The following RBPJ variants were observed in gnomAD, a reference collection of about 807,000 sequenced individuals.
RBPJ encodes recombining binding protein suppressor of hairless.
Under a neutral mutation model 67.8 loss-of-function variants are expected in RBPJ, and 9 were observed. The ratio of observed to expected loss-of-function variants is 0.13; its 90% confidence interval spans 0.08 to 0.23. RBPJ has a LOEUF of 0.23. Among genes scored for constraint, RBPJ ranks in the 10% least tolerant of loss-of-function variants. The pLI is 1.00. For synonymous variants in RBPJ, 198 were observed against 203.3 expected (o/e 0.97, Z 0.22); for missense variants, 305 against 595.6 (o/e 0.51, Z 5.08).
At chr4:26,287,600 G>A (rs1411871799) in intron 1 of RBPJ, among the ~76,000 whole-genome samples, 51 of 4,670 alleles carry the variant, frequency 0.011, no homozygotes, top group Non-Finnish European at 0.02. Flanking sequence ...AGAGGGGAGG[G>A]GAGGGGAGGG....
At chr4:26,416,794 A>G (rs573456714) in intron 4 of RBPJ, among the ~76,000 whole-genome samples, 5 of 152,278 alleles carry the variant, frequency 3.3e-5, no homozygotes. Context: ...TGTACTCTCA[A>G]ATTGAATTTT....
intron 1 of RBPJ, among the ~76,000 whole-genome samples, chr4:26,169,828 C>A (rs548753347): frequency 6.6e-6 from 1 of 152,360 alleles, no homozygotes; most frequent in South Asian, 2.1e-4. Flanking sequence ...TGATCTCAGA[C>A]TGCTGTGCTA....
chr4:26,183,458 G>A (rs546675901), intron 1 of RBPJ, among the ~76,000 whole-genome samples: 12 of 152,142 alleles, frequency 7.9e-5, no homozygotes, highest in African/African-American at 1.4e-4. Flanking sequence ...CCCATTACTC[G>A]CAGACAGGGC....
At chr4:26,267,177 AAT>A (rs1156696474) in intron 1 of RBPJ, among the ~76,000 whole-genome samples, 4 of 152,152 alleles carry the variant, frequency 2.6e-5, no homozygotes, top group Non-Finnish European at 5.9e-5. Flanking sequence ...CAAGCTGTAA[AAT>A]ATGAGAGGAC....
chr4:26,388,911 T>C lies in RBPJ; in HGVS notation c.59+2520T>C, dbSNP rs532311465. Reference sequence around the variant, plus strand: ...TGGCAAAAATGTTCTAACTGGAAAATTAGTGAAAACTGTAAAACCACAGAT... The same window carrying C: ...TGGCAAAAATGTTCTAACTGGAAAACTAGTGAAAACTGTAAAACCACAGAT... On this transcript the variant is annotated intron_variant, in intron 2 of 10. Coordinates refer to ENST00000355476, the MANE Select transcript of RBPJ (RefSeq NM_015874.6). 2.6e-5 allele frequency among the ~76,000 whole-genome samples: 4 copies of C among 152,090 alleles called. No individual in the cohort carries two copies. The South Asian group carries it at 8.3e-4, about 32-fold the overall frequency.
At chr4:26,330,834 C>G (rs1288541167) in intron 1 of RBPJ, among the ~76,000 whole-genome samples, 1 of 152,118 alleles carries the variant, frequency 6.6e-6, no homozygotes, top group African/African-American at 2.4e-5. Context: ...TCTGTGTGCT[C>G]TTATTTGTAT....
At chr4:26,399,608 C>T (rs1467142672) in intron 2 of RBPJ, among the ~76,000 whole-genome samples, 2 of 151,832 alleles carry the variant, frequency 1.3e-5, no homozygotes, top group Non-Finnish European at 2.9e-5. Context: ...ACAGATTAAG[C>T]ATGTTGAACC....
rs1177821418 is a variant in RBPJ at position 26,431,590 on chromosome 4, G to C, written c.*583G>C. On this transcript the variant is annotated 3_prime_UTR_variant, in exon 11 of 11. Transcript: ENST00000355476. Reference sequence around the variant, plus strand: ...ATACTCTTCCAGGTTTTTTTTTTTTGGTCTAAGGCTGGAACTTTTTTCTTT... The same window carrying C: ...ATACTCTTCCAGGTTTTTTTTTTTTCGTCTAAGGCTGGAACTTTTTTCTTT... The C allele has an allele frequency of 6.9e-6, 1 of 145,866 alleles. No homozygotes were observed. Among genetic ancestry groups the C allele is most frequent in the Non-Finnish European group, 1.5e-5 (1 of 66,244 alleles). The allele number at this position is 145,866 out of a possible 1,614,324, so 9.0% of individuals were successfully genotyped here.
intron 1 of RBPJ, among the ~76,000 whole-genome samples, chr4:26,331,269 G>A (rs1414200650): frequency 6.6e-6 from 1 of 152,084 alleles, no homozygotes; most frequent in African/African-American, 2.4e-5. Context: ...GCTGGGTTTT[G>A]TAGAGACGGA....
intron 1 of RBPJ, among the ~76,000 whole-genome samples, chr4:26,195,203 T>G (rs755725989): frequency 5.9e-5 from 9 of 152,148 alleles, no homozygotes; most frequent in Non-Finnish European, 1.3e-4. Context: ...ACCTTGTCTT[T>G]ACAAAAAGTT....
intron 1 of RBPJ, among the ~76,000 whole-genome samples, chr4:26,298,081 C>A (rs1721946106): frequency 6.6e-6 from 1 of 152,114 alleles, no homozygotes; most frequent in Non-Finnish European, 1.5e-5. Flanking sequence ...TGTTTTAATT[C>A]ACCTGAACCA....
chr4:26,372,446 G>A (rs1729252166), intron 1 of RBPJ, among the ~76,000 whole-genome samples: 1 of 152,118 alleles, frequency 6.6e-6, no homozygotes, highest in South Asian at 2.1e-4. Context: ...TTTGACGTAG[G>A]GCGATTGACT....
At chr4:26,195,814 T>C (rs1717740780) in intron 1 of RBPJ, among the ~76,000 whole-genome samples, 1 of 152,178 alleles carries the variant, frequency 6.6e-6, no homozygotes, top group Non-Finnish European at 1.5e-5. Flanking sequence ...CAGGCTGGTC[T>C]TGAACTCCTG....
At chr4:26,272,699 C>A (rs1397445226) in intron 1 of RBPJ, 3 of 454,334 alleles carry the variant, frequency 6.6e-6, no homozygotes, top group Non-Finnish European at 1.3e-5. Context: ...TGAACACCTG[C>A]TTAAAAATAG....
the RBPJ span, among the ~76,000 whole-genome samples, chr4:26,142,209 G>C: frequency 6.6e-6 from 1 of 152,192 alleles, no homozygotes; most frequent in Non-Finnish European, 1.5e-5. Context: ...TGAATCTTCT[G>C]TTCATCTGGC....
intron 1 of RBPJ, among the ~76,000 whole-genome samples, chr4:26,244,713 T>A (rs1719869161): frequency 6.6e-6 from 1 of 151,998 alleles, no homozygotes; most frequent in Non-Finnish European, 1.5e-5. Flanking sequence ...CTGCAACCTC[T>A]GCCTCCCAGG....
intron 1 of RBPJ, among the ~76,000 whole-genome samples, chr4:26,167,914 C>G (rs1331397028): frequency 1.3e-5 from 2 of 151,818 alleles, no homozygotes; most frequent in African/African-American, 4.8e-5. Context: ...TTTTTGTTTT[C>G]CATTTGCTTG....
At chr4:26,318,888 T>G (rs6826838), upstream of RBPJ, among the ~76,000 whole-genome samples, 30,144 of 149,370 alleles carry the variant, frequency 0.2, 4,811 homozygotes, top group African/African-American at 0.44. Context: ...TTCCAGCTAC[T>G]CAGGAGGCTG....
At chr4:26,246,048 C>A (rs147676967) in intron 1 of RBPJ, among the ~76,000 whole-genome samples, 1 of 152,210 alleles carries the variant, frequency 6.6e-6, no homozygotes, top group African/African-American at 2.4e-5. Flanking sequence ...TATTCTGAGC[C>A]CCTTTCATTC....
Sources: allele counts gnomAD v4.1 joint callset (sites outside exome capture counted in the v4.1 genomes callset), GRCh38; gene constraint gnomAD v4.1.1; transcripts MANE v1.5; gene names NCBI Gene and HGNC (gene_info 2026-07-23, HGNC 2026-07-21).